Variants in KRT73 observed in about 807,000 individuals in gnomAD.
The protein encoded by KRT73 is keratin, type II cytoskeletal 73.
A neutral mutation model predicts 47.2 loss-of-function variants in KRT73; 44 were observed. The observed-to-expected ratio is 0.93, with a 90% CI of 0.73 to 1.20. The LOEUF (loss-of-function observed/expected upper bound fraction) is 1.20. Among genes scored for constraint, KRT73 ranks in the 50% most tolerant of loss-of-function variants. The probability of loss-of-function intolerance (pLI) is 0.00; values close to 1 mark genes in which losing one functional copy is unlikely to be tolerated. For missense variants in KRT73, 713 were observed against 704.5 expected, an observed-to-expected ratio of 1.01 and a Z score of -0.14; for synonymous variants, 285 against 291.3, an observed-to-expected ratio of 0.98 and a Z score of 0.22.
chr12:52,614,496 A>G (rs1361392864), intron 4 of KRT73, 83 bp downstream of exon 4: 15 of 1,241,518 alleles, frequency 1.2e-5, no homozygotes, highest in African/African-American at 1.5e-5. Context: ...GGACTGCTTA[A>G]GTTACAGATA....
chr12:52,615,569 T>A (rs1940798571), intron 2 of KRT73, among the ~76,000 whole-genome samples: 2 of 152,142 alleles, frequency 1.3e-5, no homozygotes, highest in Non-Finnish European at 2.9e-5. Flanking sequence ...TTTCCTCTGA[T>A]GCCTGGGGAG....
chr12:52,622,163 C>G (rs1423917296), upstream of KRT73, among the ~76,000 whole-genome samples: 2 of 152,078 alleles, frequency 1.3e-5, no homozygotes, highest in Admixed American at 6.5e-5. Context: ...GATGCCAATA[C>G]TTAGATGACA....
chr12:52,612,378 CA>C (rs1204833425), intron 5 of KRT73: 1 of 152,218 alleles, frequency 6.6e-6, no homozygotes, highest in Non-Finnish European at 1.5e-5. Context: ...GAATGTGGCT[CA>C]AGGGGAAAAC....
chr12:52,616,856 C>T (rs992891611), intron 1 of KRT73, among the ~76,000 whole-genome samples: 16 of 152,216 alleles, frequency 1.1e-4, no homozygotes, highest in Non-Finnish European at 2.2e-4. Flanking sequence ...AGATGTTCAG[C>T]TTATCTGGGG....
chr12:52,625,499 G>A, the KRT73 span, among the ~76,000 whole-genome samples: 1 of 152,130 alleles, frequency 6.6e-6, no homozygotes, highest in South Asian at 2.1e-4. Flanking sequence ...TGCTGGCAAG[G>A]ACCCAGAGAA....
rs1940618565 is a variant in KRT73 at position 52,608,057 on chromosome 12, AAGG to A, written c.*136_*138del. The A allele has an allele frequency of 1.2e-6, 1 of 867,236 alleles. No individual in the cohort carries two copies. The highest frequency in any genetic ancestry group is 1.7e-5 in the African/African-American group (1 of 58,850). 53.7% of individuals were successfully genotyped at this position (867,236 alleles called of 1,614,324 possible). A position where few individuals can be genotyped will look rare whatever the true frequency, so the allele number is the denominator to read the frequency against. On this transcript the variant is annotated 3_prime_UTR_variant, in exon 9 of 9. Coordinates refer to ENST00000305748, the MANE Select transcript of KRT73 (RefSeq NM_175068.3). The stretch of plus-strand genomic sequence containing the variant: ...TAACAAAGACTGAGGCAGAGAGGTC[AAGG>A]AGAAGGAGGAGAGGTCCACAGCAAA...
chr12:52,614,676 T>A lies in KRT73; in HGVS notation c.724-2A>T, dbSNP rs1940776200. 1 of 1,611,962 alleles carries A rather than the reference T, an allele frequency of 6.2e-7. No individual in the cohort carries two copies. Among genetic ancestry groups the A allele is most frequent in the East Asian group, 2.2e-5 (1 of 44,838 alleles). Reference sequence around the variant, plus strand: ...GCTCGTGTAAGCTGCGTCCACGTCCTATGGAGAATCCAGATACCCCTGACC... The same window carrying A: ...GCTCGTGTAAGCTGCGTCCACGTCCAATGGAGAATCCAGATACCCCTGACC... On this transcript the variant is annotated splice_acceptor_variant, in intron 3 of 8. Transcript: ENST00000305748. LOFTEE classifies it high-confidence loss of function.
the KRT73 span, among the ~76,000 whole-genome samples, chr12:52,628,414 G>T: frequency 6.6e-6 from 1 of 151,878 alleles, no homozygotes; most frequent in Non-Finnish European, 1.5e-5. Flanking sequence ...TCCCTTTTGT[G>T]GCCACCCAGG....
chr12:52,616,048 C>G (rs919562625), intron 2 of KRT73, 118 bp downstream of exon 2: 74 of 1,255,470 alleles, frequency 5.9e-5, no homozygotes, highest in Non-Finnish European at 8.0e-5. Context: ...ATAGAAGGCT[C>G]TCATCTTGCT....
At chr12:52,623,785 T>C in the KRT73 span, among the ~76,000 whole-genome samples, 4 of 152,060 alleles carry the variant, frequency 2.6e-5, no homozygotes, top group Non-Finnish European at 5.9e-5. Flanking sequence ...GTTATGTATA[T>C]ATAATAAAAT....
chr12:52,618,126 C>T lies in KRT73; in HGVS notation c.399G>A (p.Arg133=). The T allele has an allele frequency of 1.9e-6, 3 of 1,613,908 alleles. No homozygotes were observed. Among genetic ancestry groups the T allele is most frequent in the Non-Finnish European group, 8.5e-7 (1 of 1,179,930 alleles). The change falls in exon 1 of 9, where the codon CGG becomes CGA. Residue 133 remains arginine (R), a synonymous_variant. Transcript: ENST00000305748. ...PEIQKVRAQE[R]EQIKVLNNKF... ...TGTTGTTCAGCACCTTGATCTGCTCCCGCTCCTGGGCACGCACTTTCTGGA... is the reference window on the plus strand; with the variant it reads ...TGTTGTTCAGCACCTTGATCTGCTCTCGCTCCTGGGCACGCACTTTCTGGA...
chr12:52,623,728 A>G, the KRT73 span, among the ~76,000 whole-genome samples: 7 of 152,092 alleles, frequency 4.6e-5, no homozygotes, highest in Non-Finnish European at 7.4e-5. Flanking sequence ...ATAAAGAGGT[A>G]AGGATTCTTC....
intron 7 of KRT73, 134 bp downstream of exon 7, chr12:52,610,481 T>C: frequency 1.2e-6 from 1 of 807,862 alleles, no homozygotes. Flanking sequence ...GGCAGGATGC[T>C]GTTTGAAACT....
intron 7 of KRT73, chr12:52,609,817 C>G (rs185133420): frequency 6.5e-6 from 1 of 152,842 alleles, no homozygotes; most frequent in East Asian, 1.9e-4. Context: ...CTGCCTTTTA[C>G]GACAAAAGTG....
At chr12:52,611,474 T>C in intron 5 of KRT73, 145 bp from the exon 6 acceptor site, 1 of 881,672 alleles carries the variant, frequency 1.1e-6, no homozygotes, top group Non-Finnish European at 1.7e-6. Flanking sequence ...CAGCCTCCCA[T>C]TAAAGCATTG....
the KRT73 span, among the ~76,000 whole-genome samples, chr12:52,624,078 C>T: frequency 6.6e-6 from 1 of 151,826 alleles, no homozygotes; most frequent in African/African-American, 2.4e-5. Context: ...TCTCCAAAAA[C>T]TTATCTCAAC....
chr12:52,611,863 G>A (rs1412042876), intron 5 of KRT73, among the ~76,000 whole-genome samples: 1 of 152,114 alleles, frequency 6.6e-6, no homozygotes, highest in Non-Finnish European at 1.5e-5. Flanking sequence ...AACCAGTGCA[G>A]AGTCCCTTCC....
chr12:52,617,261 AG>A (rs1309619990), intron 1 of KRT73, among the ~76,000 whole-genome samples: 1 of 152,120 alleles, frequency 6.6e-6, no homozygotes, highest in Non-Finnish European at 1.5e-5. Flanking sequence ...CTCTAAGCTT[AG>A]GAAGTCTCTG....
the KRT73 span, among the ~76,000 whole-genome samples, chr12:52,629,214 G>A: frequency 1.3e-5 from 2 of 152,194 alleles, no homozygotes; most frequent in African/African-American, 4.8e-5. Context: ...TGACACCACA[G>A]CTGTGGGGAG....
Sources: allele counts gnomAD v4.1 joint callset (sites outside exome capture counted in the v4.1 genomes callset), GRCh38; gene constraint gnomAD v4.1.1; transcripts MANE v1.5; gene names NCBI Gene and HGNC (gene_info 2026-07-23, HGNC 2026-07-21).